SPATA6L: variants seen among roughly 807,000 people sequenced by gnomAD.
SPATA6L encodes the protein spermatogenesis associated 6-like protein.
In SPATA6L, 68 loss-of-function variants were observed where a neutral mutation model predicts 49.2. That is an observed-to-expected ratio of 1.38 (90% confidence interval 1.14 to 1.69). SPATA6L has a LOEUF of 1.69. Among genes scored for constraint, SPATA6L ranks in the 40% most tolerant of loss-of-function variants. The pLI, the probability that SPATA6L is intolerant of heterozygous loss-of-function variation, is 0.00. For missense variants in SPATA6L, 668 were observed against 464.3 expected (o/e 1.44, Z -4.03); for synonymous variants, 198 against 165.7 (o/e 1.19, Z -1.50).
chr9:4,645,979 A>G (rs1215437492), intron 3 of SPATA6L, among the ~76,000 whole-genome samples: 1 of 152,238 alleles, frequency 6.6e-6, no homozygotes, highest in Non-Finnish European at 1.5e-5. Context: ...GACGAATTAT[A>G]TATGATTTAA....
At chr9:4,661,803 T>G in intron 2 of SPATA6L, 96 bp downstream of exon 2, 1 of 1,383,414 alleles carries the variant, frequency 7.2e-7, no homozygotes, top group African/African-American at 1.6e-5. Context: ...TTTTTAAAAA[T>G]GAAATTTACC....
intron 1 of SPATA6L, chr9:4,665,105 G>C (rs1377196449): frequency 1.2e-5 from 2 of 167,078 alleles, no homozygotes; most frequent in Non-Finnish European, 2.9e-5. Context: ...TAGTTGCTGA[G>C]GCCTGAGTTT....
chr9:4,590,508 T>A (rs1348132311), intron 13 of SPATA6L, among the ~76,000 whole-genome samples: 1 of 152,208 alleles, frequency 6.6e-6, no homozygotes, highest in Non-Finnish European at 1.5e-5. Context: ...CTGCCACTTT[T>A]AAGGTATCAC....
At chr9:4,654,675 G>A (rs1176229595) in intron 3 of SPATA6L, among the ~76,000 whole-genome samples, 2 of 152,160 alleles carry the variant, frequency 1.3e-5, no homozygotes, top group Non-Finnish European at 2.9e-5. Context: ...GTTTTCCCCT[G>A]GAGTTGGGCC....
At chr9:4,591,222 G>C (rs746503396) in intron 13 of SPATA6L, among the ~76,000 whole-genome samples, 5 of 152,150 alleles carry the variant, frequency 3.3e-5, no homozygotes, top group African/African-American at 9.7e-5. Flanking sequence ...AGAGCTCAAG[G>C]CATGTACATT....
At chr9:4,660,831 C>G (rs1221881803) in intron 2 of SPATA6L, among the ~76,000 whole-genome samples, 1 of 152,190 alleles carries the variant, frequency 6.6e-6, no homozygotes, top group African/African-American at 2.4e-5. Flanking sequence ...CACATATACA[C>G]CGTGGAATAC....
At chr9:4,602,484 G>C (rs971724791) in intron 11 of SPATA6L, among the ~76,000 whole-genome samples, 1 of 152,190 alleles carries the variant, frequency 6.6e-6, no homozygotes. Flanking sequence ...AAGCCAACTT[G>C]TTCTGTAAAG....
At chr9:4,603,921 A>G (rs559138246) in intron 11 of SPATA6L, among the ~76,000 whole-genome samples, 9 of 152,274 alleles carry the variant, frequency 5.9e-5, no homozygotes, top group African/African-American at 1.9e-4. Flanking sequence ...AAGCTGAAAG[A>G]AGGCCGGAAA....
At chr9:4,647,758 G>C (rs890366232) in intron 3 of SPATA6L, among the ~76,000 whole-genome samples, 2 of 151,614 alleles carry the variant, frequency 1.3e-5, no homozygotes, top group Non-Finnish European at 2.9e-5. Context: ...TGATATATTA[G>C]GTTGGTGCAA....
At chr9:4,629,769 G>GTGTGTGTGTGTA (rs1311805859) in intron 4 of SPATA6L, among the ~76,000 whole-genome samples, 18 of 101,922 alleles carry the variant, frequency 1.8e-4, no homozygotes, top group African/African-American at 8.4e-4. Context: ...GTGTGTGTGT[G>GTGTGTGTGTGTA]TATATATATA....
intron 11 of SPATA6L, among the ~76,000 whole-genome samples, chr9:4,602,869 T>C (rs1823706934): frequency 6.6e-6 from 1 of 152,234 alleles, no homozygotes; most frequent in Admixed American, 6.5e-5. Context: ...AAGATGGAAC[T>C]AATGATAGTA....
rs1207174364 is a variant in SPATA6L, at chr9:4,626,466, T to C, written c.430-900A>G. ...GAAGCATCCAGGAAAGCAGCCCTTC[T>C]CCAGAGGTCTGGGTCCCATTTCTGT... is the stretch of plus-strand genomic sequence containing the variant. On this transcript the variant is annotated intron_variant, in intron 5 of 11. Transcript: ENST00000682582. 4.6e-6 allele frequency: 6 copies of C among 1,304,296 alleles called. No individual in the cohort carries two copies. In the African/African-American group the frequency reaches 7.6e-5, roughly 16 times the overall value. 80.8% of individuals were successfully genotyped at this position (1,304,296 alleles called of 1,614,324 possible).
chr9:4,616,957 C>T (rs989497063), intron 9 of SPATA6L, among the ~76,000 whole-genome samples: 4 of 152,230 alleles, frequency 2.6e-5, no homozygotes, highest in Non-Finnish European at 5.9e-5. Context: ...GCTCGTCATA[C>T]GTTAATGGAT....
At chr9:4,609,181 G>A (rs1344050479) in intron 9 of SPATA6L, among the ~76,000 whole-genome samples, 1 of 151,532 alleles carries the variant, frequency 6.6e-6, no homozygotes, top group Admixed American at 6.6e-5. Context: ...AAGAGTCCAC[G>A]ACCAGATGGA....
At chr9:4,617,023 A>G (rs1297506140) in intron 9 of SPATA6L, among the ~76,000 whole-genome samples, 1 of 152,224 alleles carries the variant, frequency 6.6e-6, no homozygotes, top group Non-Finnish European at 1.5e-5. Context: ...ATTTGAATAT[A>G]GAGTTATTAT....
At chr9:4,619,155 CTTTTTTT>C (rs57028759) in intron 7 of SPATA6L, among the ~76,000 whole-genome samples, 2 of 118,162 alleles carry the variant, frequency 1.7e-5, no homozygotes, top group African/African-American at 3.4e-5. Flanking sequence ...CAGGTTTTCT[CTTTTTTT>C]TTTTTTTTTT....
At chr9:4,619,155 CTT>C (rs57028759) in intron 7 of SPATA6L, among the ~76,000 whole-genome samples, 5 of 118,172 alleles carry the variant, frequency 4.2e-5, no homozygotes, top group Admixed American at 9.0e-5. Flanking sequence ...CAGGTTTTCT[CTT>C]TTTTTTTTTT....
intron 3 of SPATA6L, among the ~76,000 whole-genome samples, chr9:4,636,158 C>G (rs984685256): frequency 1.3e-5 from 2 of 151,450 alleles, no homozygotes; most frequent in Non-Finnish European, 2.9e-5. Context: ...TTTCCAAGTA[C>G]CGTGTAAATC....
In SPATA6L at chr9:4,618,049, G is replaced by C. The variant is rs758338615; in HGVS notation, c.869C>G (p.Ser290Ter). 6.2e-7 allele frequency: 1 copy of C among 1,613,982 alleles called. No individual in the cohort carries two copies. The highest frequency in any genetic ancestry group is 1.1e-5 in the South Asian group (1 of 91,018). The change falls in exon 9 of 12, where the codon TCA becomes TGA. Residue 290 changes from serine to a stop codon, truncating the protein, a stop_gained. Transcript: ENST00000682582. LOFTEE classifies it high-confidence loss of function. ...GGATGAAGACTTTCCAAACTGACTT[G>C]AATCTAAACATGATGATGAGTCACT... is the stretch of plus-strand genomic sequence containing the variant. The part of the protein sequence containing the change: ...LRSDSSSCLD[S>*]SQFGKSSSSK...
Sources: allele counts gnomAD v4.1 joint callset (sites outside exome capture counted in the v4.1 genomes callset), GRCh38; gene constraint gnomAD v4.1.1; transcripts MANE v1.5; gene names NCBI Gene and HGNC (gene_info 2026-07-23, HGNC 2026-07-21).